The following ZNF831 variants were observed in gnomAD, a reference collection of about 807,000 sequenced individuals.
The protein encoded by ZNF831 is chromosome 20 open reading frame 174.
Under a neutral mutation model 95.8 loss-of-function variants are expected in ZNF831, and 59 were observed. The ratio of observed to expected loss-of-function variants is 0.62; its 90% confidence interval spans 0.50 to 0.77. ZNF831 has a LOEUF of 0.77. Ranked by LOEUF, ZNF831 falls within the 30% of genes least tolerant of loss-of-function variation. ZNF831 has a pLI of 0.00. For synonymous variants in ZNF831, 961 were observed against 925.5 expected (o/e 1.04, Z -0.70); for missense variants, 2,205 against 2,164.0 (o/e 1.02, Z -0.38).
rs188087409 is a variant in ZNF831 at position 59,240,567 on chromosome 20, T to C, written c.4028-12411T>C. On this transcript the variant is annotated intron_variant, in intron 4 of 5. Transcript: ENST00000371030. ...CTGTAATCCCAGCACTTTGGGAGGC[T>C]GAGGCGGGCGGATCACGAGGTCAGG... is the stretch of plus-strand genomic sequence containing the variant. 6.0e-3 allele frequency among the ~76,000 whole-genome samples: 918 copies of C among 152,032 alleles called. 32 individuals are homozygous for C. In the East Asian group the frequency reaches 0.067, roughly 11 times the overall value.
rs774521573 is a variant in ZNF831, at chr20:59,191,246, C to A, written c.227C>A (p.Pro76Gln). 1 of 1,548,286 alleles carries A rather than the reference C, an allele frequency of 6.5e-7. No homozygotes were observed. ...CCCGGGGGCCTCCAGCCCCGCGCCC[C>A]GCTAGTGACGGGCAGCCTAGATGGG... is the stretch of plus-strand genomic sequence containing the variant. ...VPPGGLQPRAPLVTGSLDGGN... is the reference protein window; with the variant it reads ...VPPGGLQPRAQLVTGSLDGGN... Residue 76 changes from proline to glutamine, a missense_variant, in exon 2 of 6, where the codon CCG becomes CAG. Physicochemically the swap from Pro to Gln is moderately conservative, Grantham distance 76 (BLOSUM62 -1). Coordinates refer to ENST00000371030, the MANE Select transcript of ZNF831 (RefSeq NM_178457.3).
At chr20:59,218,260 G>T (rs943204475) in intron 4 of ZNF831, among the ~76,000 whole-genome samples, 1 of 152,322 alleles carries the variant, frequency 6.6e-6, no homozygotes, top group South Asian at 2.1e-4. Flanking sequence ...CAAAGCTGGG[G>T]CTCCCAATAT....
chr20:59,239,898 G>C (rs1031252975), intron 4 of ZNF831, among the ~76,000 whole-genome samples: 5 of 152,108 alleles, frequency 3.3e-5, no homozygotes, highest in African/African-American at 1.2e-4. Context: ...AAGATTCTGG[G>C]GCAGCACAGT....
At chr20:59,253,813 T>C (rs142223706) in intron 5 of ZNF831, 85 bp from the exon 6 acceptor site, 14 of 1,454,076 alleles carry the variant, frequency 9.6e-6, no homozygotes, top group South Asian at 1.4e-5. Context: ...CCTGTTTTCA[T>C]TGAGGACCAC....
intron 1 of ZNF831, 121 bp from the exon 2 acceptor site, chr20:59,190,863 A>G: frequency 1.2e-6 from 1 of 838,690 alleles, no homozygotes; most frequent in Middle Eastern, 3.0e-4. Flanking sequence ...ATGAGAGTAC[A>G]TTCCTTAGGG....
intron 4 of ZNF831, among the ~76,000 whole-genome samples, chr20:59,244,797 A>G (rs894843637): frequency 5.3e-5 from 8 of 152,186 alleles, no homozygotes; most frequent in Non-Finnish European, 2.9e-5. Flanking sequence ...ATACGTATAT[A>G]GATTGTTTTA....
At chr20:59,168,086 CTA>C (rs1404857134) in intron 1 of ZNF831, among the ~76,000 whole-genome samples, 1 of 152,068 alleles carries the variant, frequency 6.6e-6, no homozygotes, top group Non-Finnish European at 1.5e-5. Context: ...TTTTGCCTTT[CTA>C]TATAAATTTT....
intron 2 of ZNF831, among the ~76,000 whole-genome samples, chr20:59,157,967 T>C (rs552181868): frequency 1.8e-4 from 28 of 152,302 alleles, no homozygotes; most frequent in African/African-American, 6.7e-4. Flanking sequence ...TTCTTTCTGG[T>C]CCTGAAAAAT....
chr20:59,245,720 C>G (rs773898604), intron 4 of ZNF831, among the ~76,000 whole-genome samples: 1 of 152,176 alleles, frequency 6.6e-6, no homozygotes, highest in Non-Finnish European at 1.5e-5. Flanking sequence ...AAAGACTGTT[C>G]CTGGGCAGTT....
At chr20:59,166,591 A>G (rs1981284780) in intron 1 of ZNF831, among the ~76,000 whole-genome samples, 1 of 151,670 alleles carries the variant, frequency 6.6e-6, no homozygotes, top group Non-Finnish European at 1.5e-5. Flanking sequence ...CTCCCCCCCA[A>G]CCCCTTAACC....
At chr20:59,240,071 C>T (rs1463932770) in intron 4 of ZNF831, among the ~76,000 whole-genome samples, 5 of 152,182 alleles carry the variant, frequency 3.3e-5, no homozygotes, top group African/African-American at 1.2e-4. Flanking sequence ...CTTCTCTCCC[C>T]TTGGGGAAGG....
intron 4 of ZNF831, among the ~76,000 whole-genome samples, chr20:59,232,329 G>C (rs1810521537): frequency 6.6e-6 from 1 of 152,038 alleles, no homozygotes; most frequent in African/African-American, 2.4e-5. Flanking sequence ...AAATGATCAG[G>C]GTTTTAAAAT....
At position 59,192,065 on chromosome 20, in the gene ZNF831, G is replaced by A. The variant is rs1388591724; in HGVS notation, c.1046G>A (p.Arg349His). 1.2e-5 allele frequency: 19 copies of A among 1,606,522 alleles called. No individual in the cohort carries two copies. Among genetic ancestry groups the A allele is most frequent in the Non-Finnish European group, 1.5e-5 (18 of 1,178,874 alleles). The change falls in exon 2 of 6, where the codon CGC becomes CAC. Residue 349 changes from arginine to histidine, a missense_variant. By Grantham distance (29) the Arg-to-His change is conservative. Coordinates refer to ENST00000371030, the MANE Select transcript of ZNF831 (RefSeq NM_178457.3). This position sits in a 1 kb window ranked among gnomAD's most constrained non-coding sequence, Gnocchi z 5.2. ...CESTDSGYLS[R>H]SDSAEQPHAP... ...AGCACCGACTCGGGGTACCTGTCGC[G>A]CTCCGACAGCGCGGAGCAGCCGCAT...
rs1431716391 is a variant in ZNF831 at position 59,191,643 on chromosome 20, C to T, written c.624C>T (p.Gly208=). The change falls in exon 2 of 6, where the codon GGC becomes GGT. Residue 208 remains glycine, a synonymous_variant. Transcript: ENST00000371030. ...NNSRLSSESE[G]AGGGLLEEGD... is the part of the protein sequence containing the mutation. ...CCCGGCTGTCCTCAGAGTCCGAGGG[C>T]GCCGGGGGCGGCCTCCTGGAGGAAG... 1 of 1,565,374 alleles carries T rather than the reference C, an allele frequency of 6.4e-7. No homozygotes were observed. The highest frequency in any genetic ancestry group is 8.7e-7 in the Non-Finnish European group (1 of 1,155,172).
At chr20:59,209,360 G>A (rs1177958065) in intron 4 of ZNF831, among the ~76,000 whole-genome samples, 3 of 152,228 alleles carry the variant, frequency 2.0e-5, no homozygotes, top group Non-Finnish European at 4.4e-5. Context: ...CATCTCATTA[G>A]TGTTGGGGGA....
chr20:59,253,129 A>C lies in ZNF831; in HGVS notation c.4179A>C (p.Arg1393=). 6.2e-7 allele frequency: 1 copy of C among 1,614,040 alleles called. No individual in the cohort carries two copies. Among genetic ancestry groups the C allele is most frequent in the Non-Finnish European group, 8.5e-7 (1 of 1,179,958 alleles). The change falls in exon 5 of 6, where the codon CGA becomes CGC. Residue 1393 remains arginine (R), a synonymous_variant. Coordinates refer to ENST00000371030, the MANE Select transcript of ZNF831 (RefSeq NM_178457.3). ...SSRIVREMDK[R]TVKDISPSAG... is the part of the protein sequence containing the mutation. ...GAATTGTCAGGGAAATGGACAAACG[A>C]ACTGTGAAGGTGGGCATGATGATTT...
At chr20:59,234,000 G>A (rs746640496) in intron 4 of ZNF831, among the ~76,000 whole-genome samples, 2 of 152,208 alleles carry the variant, frequency 1.3e-5, no homozygotes, top group Non-Finnish European at 2.9e-5. Flanking sequence ...TACTTCTGAT[G>A]ATGAGCAGCT....
rs967605792 is a variant in ZNF831, at chr20:59,217,737, G to GA, written c.4027+10688dup. On this transcript the variant is annotated intron_variant, in intron 4 of 5. Transcript: ENST00000371030. This position sits in a 1 kb window ranked among gnomAD's most constrained non-coding sequence, Gnocchi z 4.4. ...CGTGGAAGGCTGGCATTCTCTAGTA[G>GA]AAAAAAAGAACATGGAGGGACGATA... is the stretch of plus-strand genomic sequence containing the variant. Among the ~76,000 whole-genome samples, 28 of 151,996 alleles carry GA rather than the reference G, an allele frequency of 1.8e-4. No homozygotes were observed. Among genetic ancestry groups the GA allele is most frequent in the African/African-American group, 6.5e-4 (27 of 41,480 alleles).
Position 59,204,456 on chromosome 20 carries a change from T to C in ZNF831, c.3876-2449T>C, listed in dbSNP as rs74539696. ...CACGTTGGCCACAGCCCCAGAGCTT[T>C]GACAGCAGTCCCAGGTCCTGCTTAG... On this transcript the variant is annotated intron_variant, in intron 3 of 5. Coordinates refer to ENST00000371030, the MANE Select transcript of ZNF831 (RefSeq NM_178457.3). Among the ~76,000 whole-genome samples, 564 of 152,304 alleles carry C rather than the reference T, an allele frequency of 3.7e-3. 6 individuals carry two copies. Among genetic ancestry groups the C allele is most frequent in the African/African-American group, 0.013 (545 of 41,574 alleles).
Sources: allele counts gnomAD v4.1 joint callset (sites outside exome capture counted in the v4.1 genomes callset), GRCh38; gene constraint gnomAD v4.1.1; non-coding constraint Gnocchi (gnomAD v3.1); transcripts MANE v1.5; gene names NCBI Gene and HGNC (gene_info 2026-07-23, HGNC 2026-07-21).